LRRTM4: variants seen among roughly 807,000 people sequenced by gnomAD.
LRRTM4 encodes the protein leucine-rich repeat transmembrane neuronal protein 4.
In LRRTM4, 25 loss-of-function variants were observed where a neutral mutation model predicts 47.6. The ratio of observed to expected loss-of-function variants is 0.53; its 90% CI spans 0.38 to 0.73. LRRTM4 has a LOEUF of 0.73. Ranked by LOEUF, LRRTM4 falls within the 30% of genes least tolerant of loss-of-function variation. LRRTM4 has a pLI of 0.00. For missense variants in LRRTM4, 638 were observed against 713.4 expected (o/e 0.89, Z 1.20); for synonymous variants, 311 against 269.5 (o/e 1.15, Z -1.51).
At chr2:77,062,763 T>C (rs1249149379) in intron 3 of LRRTM4, among the ~76,000 whole-genome samples, 2 of 152,144 alleles carry the variant, frequency 1.3e-5, no homozygotes, top group African/African-American at 2.4e-5. Flanking sequence ...AGGTGGCTTA[T>C]GGATCTCCAA....
rs372166999 is a variant in LRRTM4, at chr2:77,456,992, A to ATG, written c.1551+61324_1551+61325dup. ...ATATTATAAATGTATATATTAGTGT[A>ATG]TGTGTGTGTGTGTATATATATATAT... On this transcript the variant is annotated intron_variant, in intron 3 of 3. Transcript: ENST00000409884. Among the ~76,000 whole-genome samples the ATG allele has an allele frequency of 5.1e-3, 626 of 123,272 alleles. 4 individuals are homozygous for ATG. Among genetic ancestry groups the ATG allele is most frequent in the South Asian group, 8.0e-3 (27 of 3,368 alleles). 80.9% of individuals were successfully genotyped at this position (123,272 alleles called of 152,430 possible).
chr2:77,411,451 C>CTTT (rs138496739), intron 3 of LRRTM4, among the ~76,000 whole-genome samples: 51 of 116,024 alleles, frequency 4.4e-4, no homozygotes, highest in South Asian at 1.2e-3. Context: ...TCTCTTTCTT[C>CTTT]TTTTTTTTTT....
chr2:77,017,347 T>A (rs1339200681), intron 3 of LRRTM4, among the ~76,000 whole-genome samples: 1 of 152,220 alleles, frequency 6.6e-6, no homozygotes, highest in East Asian at 1.9e-4. Context: ...AATAATTATA[T>A]CCTGAAAACT....
At chr2:76,777,306 G>A (rs1674069106) in intron 3 of LRRTM4, among the ~76,000 whole-genome samples, 1 of 143,616 alleles carries the variant, frequency 7.0e-6, no homozygotes, top group Non-Finnish European at 1.5e-5. Context: ...AAAGGCATTG[G>A]TAGCTTGATG....
intron 3 of LRRTM4, among the ~76,000 whole-genome samples, chr2:77,207,372 T>TATATATATATATATATACACAC (rs59335400): frequency 7.6e-6 from 1 of 131,110 alleles, no homozygotes; most frequent in African/African-American, 3.2e-5. Context: ...TATATATATA[T>TATATATATATATATATACACAC]ACACACACAC....
chr2:77,045,754 A>T (rs1193395487), intron 3 of LRRTM4, among the ~76,000 whole-genome samples: 4 of 151,638 alleles, frequency 2.6e-5, no homozygotes, highest in Admixed American at 1.3e-4. Context: ...AGTCCAATTA[A>T]TTTTTTTTCT....
intron 3 of LRRTM4, among the ~76,000 whole-genome samples, chr2:77,059,391 G>A (rs1679712373): frequency 6.6e-6 from 1 of 151,462 alleles, no homozygotes; most frequent in Non-Finnish European, 1.5e-5. Context: ...TTTTACTTGG[G>A]TAGCTTCAGC....
In LRRTM4 at chr2:77,041,258, C is replaced by A. The variant is rs183266868; in HGVS notation, c.1552-292342G>T. On this transcript the variant is annotated intron_variant, in intron 3 of 3. Coordinates refer to ENST00000409884, the MANE Select transcript of LRRTM4 (RefSeq NM_001134745.3). ...TTGTTGTAAATGACAGGATTTCATT[C>A]TTTCTTATGGCCAAATAGTATTTTA... 1.7e-3 allele frequency among the ~76,000 whole-genome samples: 260 copies of A among 151,608 alleles called. 1 individual carries two copies. Among genetic ancestry groups the A allele is most frequent in the Non-Finnish European group, 2.1e-3 (139 of 67,664 alleles).
intron 3 of LRRTM4, among the ~76,000 whole-genome samples, chr2:77,423,858 C>T (rs1373734511): frequency 6.6e-6 from 1 of 152,120 alleles, no homozygotes; most frequent in Admixed American, 6.5e-5. Context: ...GTATAAGAGC[C>T]TGGGTTCAGG....
At chr2:77,436,263 T>A (rs1252167210) in intron 3 of LRRTM4, among the ~76,000 whole-genome samples, 3 of 152,116 alleles carry the variant, frequency 2.0e-5, no homozygotes, top group Non-Finnish European at 2.9e-5. Flanking sequence ...TGTTACGTAG[T>A]GGTGAGGTTA....
chr2:76,973,439 ATG>A (rs1676291251), intron 3 of LRRTM4, among the ~76,000 whole-genome samples: 1 of 151,964 alleles, frequency 6.6e-6, no homozygotes, highest in Non-Finnish European at 1.5e-5. Context: ...TTTAGAAAAT[ATG>A]TGTTATATTT....
Position 77,459,759 on chromosome 2 carries a change from C to CA in LRRTM4, c.1551+58558dup, listed in dbSNP as rs59472827. Among the ~76,000 whole-genome samples the CA allele has an allele frequency of 4.0e-3, 504 of 126,282 alleles. 5 individuals carry two copies. The highest frequency in any genetic ancestry group is 7.7e-3 in the African/African-American group (266 of 34,426). The allele number at this position is 126,282 out of a possible 152,430, so 82.8% of individuals were successfully genotyped here. A position where few individuals can be genotyped will look rare whatever the true frequency, so the allele number is the denominator to read the frequency against. On this transcript the variant is annotated intron_variant, in intron 3 of 3. Coordinates refer to ENST00000409884, the MANE Select transcript of LRRTM4 (RefSeq NM_001134745.3). ...CTTTTAGTGTATAAACTGGTTTTAGCAAAAAAAAAAAAAAAAAGAAAATAT... is the reference window on the plus strand; with the variant it reads ...CTTTTAGTGTATAAACTGGTTTTAGCAAAAAAAAAAAAAAAAAAGAAAATAT...
intron 3 of LRRTM4, among the ~76,000 whole-genome samples, chr2:77,132,231 A>G (rs561630590): frequency 2.0e-4 from 30 of 152,322 alleles, no homozygotes; most frequent in African/African-American, 6.7e-4. Context: ...CTTACGAGTT[A>G]GAACATGTGA....
At chr2:77,367,172 T>A (rs1372916807) in intron 3 of LRRTM4, among the ~76,000 whole-genome samples, 1 of 151,770 alleles carries the variant, frequency 6.6e-6, no homozygotes, top group Non-Finnish European at 1.5e-5. Context: ...TATCTTGTGC[T>A]CCTTTTGCAG....
At chr2:76,932,108 C>T (rs1176766811) in intron 3 of LRRTM4, among the ~76,000 whole-genome samples, 3 of 152,068 alleles carry the variant, frequency 2.0e-5, no homozygotes, top group Non-Finnish European at 4.4e-5. Context: ...CATCCTGTTC[C>T]TCCTTGTATT....
chr2:77,382,591 T>C (rs28542439), intron 3 of LRRTM4, among the ~76,000 whole-genome samples: 6,574 of 152,190 alleles, frequency 0.043, 181 homozygotes, highest in South Asian at 0.099. Context: ...GTTACTCTGC[T>C]TTTATTTTCC....
At chr2:76,872,914 C>A (rs111445680) in intron 3 of LRRTM4, among the ~76,000 whole-genome samples, 207 of 152,172 alleles carry the variant, frequency 1.4e-3, no homozygotes, top group African/African-American at 4.7e-3. Flanking sequence ...CCTCTCTTGC[C>A]AAATGATCTG....
intron 3 of LRRTM4, among the ~76,000 whole-genome samples, chr2:77,102,754 T>C (rs1670989801): frequency 6.6e-6 from 1 of 152,180 alleles, no homozygotes; most frequent in Non-Finnish European, 1.5e-5. Flanking sequence ...AAGAAAATGC[T>C]TTCCCGTGAA....
chr2:77,170,973 A>G (rs1031340304), intron 3 of LRRTM4, among the ~76,000 whole-genome samples: 2 of 94,076 alleles, frequency 2.1e-5, no homozygotes, highest in Non-Finnish European at 4.5e-5. Flanking sequence ...CGTATACTAA[A>G]GTACACATAT....
Sources: gnomAD v4.1 joint callset for allele counts (sites outside exome capture counted in the v4.1 genomes callset) on GRCh38, gnomAD v4.1.1 for gene constraint, MANE v1.5 for transcripts, NCBI Gene and HGNC (gene_info 2026-07-23, HGNC 2026-07-21) for gene names.